Variants in ITGA1 observed in about 807,000 individuals in gnomAD.
ITGA1 encodes integrin alpha-1.
A neutral mutation model predicts 145.9 loss-of-function variants in ITGA1; 85 were observed. That is an observed-to-expected ratio of 0.58 (90% CI 0.49 to 0.70). ITGA1 has a LOEUF of 0.70. Among genes scored for constraint, ITGA1 ranks in the 30% least tolerant of loss-of-function variants. The pLI, the probability that ITGA1 is intolerant of heterozygous loss-of-function variation, is 0.00. For synonymous variants in ITGA1, 520 were observed against 495.3 expected (o/e 1.05, Z -0.66); for missense variants, 1,351 against 1,418.7 (o/e 0.95, Z 0.77).
chr5:52,873,386 C>G (rs1425811656), intron 6 of ITGA1, among the ~76,000 whole-genome samples: 2 of 152,168 alleles, frequency 1.3e-5, no homozygotes, highest in Non-Finnish European at 1.5e-5. Context: ...GAGCCTACGT[C>G]ACTTTCATTG....
At position 52,910,418 on chromosome 5, in the gene ITGA1, A is replaced by C. The variant is rs1489813089; in HGVS notation, c.1856A>C (p.Gln619Pro). The C allele has an allele frequency of 5.6e-6, 9 of 1,609,206 alleles. No individual in the cohort carries two copies. Among genetic ancestry groups the C allele is most frequent in the African/African-American group, 1.3e-5 (1 of 74,784 alleles). ...AAGACTATAAGGAAAGAGTATGCACAAGTAAGAATTGAAACCTACAGATTC... is the reference window on the plus strand; with the variant it reads ...AAGACTATAAGGAAAGAGTATGCACCAGTAAGAATTGAAACCTACAGATTC... ...SGKTIRKEYA[Q>P]RIPSGGDGKT... Residue 619 changes from glutamine to proline, a missense_variant and splice_region_variant, in exon 14 of 29, where the codon CAA becomes CCA. Coordinates refer to ENST00000282588, the MANE Select transcript of ITGA1 (RefSeq NM_181501.2).
chr5:52,885,665 C>T (rs1032904504), intron 7 of ITGA1, among the ~76,000 whole-genome samples: 2 of 152,102 alleles, frequency 1.3e-5, no homozygotes, highest in African/African-American at 4.8e-5. Context: ...ATAAGAAGTT[C>T]GGAAAGATCC....
intron 12 of ITGA1, among the ~76,000 whole-genome samples, chr5:52,908,205 C>T (rs751348304): frequency 7.2e-5 from 11 of 152,104 alleles, no homozygotes; most frequent in Non-Finnish European, 1.3e-4. Flanking sequence ...GAAGCCAGTA[C>T]AGGGAGATGT....
chr5:52,871,730 A>T (rs973040707), intron 6 of ITGA1, among the ~76,000 whole-genome samples: 1 of 62,696 alleles, frequency 1.6e-5, no homozygotes, highest in African/African-American at 8.7e-5. Context: ...CATTCACTCT[A>T]AAGAGTTACT....
At chr5:52,948,533 C>T (rs1019163586) in intron 28 of ITGA1, among the ~76,000 whole-genome samples, 2 of 152,168 alleles carry the variant, frequency 1.3e-5, no homozygotes, top group African/African-American at 4.8e-5. Context: ...AGATGTAGGT[C>T]AGTGGCATTT....
intron 1 of ITGA1, among the ~76,000 whole-genome samples, chr5:52,832,765 C>CTGTGTGTGTGTGTGTGTGTGTCTG (rs1749091143): frequency 2.3e-5 from 2 of 86,752 alleles, no homozygotes; most frequent in Admixed American, 1.2e-4. Context: ...ATATATAAAT[C>CTGTGTGTGTGTGTGTGTGTGTCTG]TGTGTGTGTG....
At chr5:52,819,846 G>A (rs36127799) in intron 1 of ITGA1, among the ~76,000 whole-genome samples, 38,987 of 151,818 alleles carry the variant, frequency 0.26, 5,355 homozygotes, top group Non-Finnish European at 0.3. Context: ...GAAGGGATCC[G>A]GTTTCAGCTT....
At chr5:52,823,659 GT>G (rs1044549252) in intron 1 of ITGA1, among the ~76,000 whole-genome samples, 1 of 152,166 alleles carries the variant, frequency 6.6e-6, no homozygotes, top group African/African-American at 2.4e-5. Context: ...CCAGTTAAAT[GT>G]TTATTTACTT....
At chr5:52,835,204 C>G (rs1236106476) in intron 1 of ITGA1, among the ~76,000 whole-genome samples, 1 of 152,066 alleles carries the variant, frequency 6.6e-6, no homozygotes, top group Non-Finnish European at 1.5e-5. Flanking sequence ...GCTAATAAGC[C>G]TTCTTAATCA....
chr5:52,842,037 T>C (rs1347375054), intron 1 of ITGA1, among the ~76,000 whole-genome samples: 2 of 152,134 alleles, frequency 1.3e-5, no homozygotes, highest in Admixed American at 6.5e-5. Context: ...AATTCCTTAG[T>C]AGAATATTAA....
intron 1 of ITGA1, among the ~76,000 whole-genome samples, chr5:52,817,121 C>A (rs1459852636): frequency 2.0e-5 from 3 of 152,162 alleles, no homozygotes; most frequent in Non-Finnish European, 4.4e-5. Context: ...GAATTTTTTT[C>A]CATTAAACAT....
At position 52,849,256 on chromosome 5, in the gene ITGA1, T is replaced by C. The variant is rs547998897; in HGVS notation, c.62-109T>C. On this transcript the variant is annotated intron_variant, in intron 1 of 28. Coordinates refer to ENST00000282588, the MANE Select transcript of ITGA1 (RefSeq NM_181501.2). Reference sequence around the variant, plus strand: ...TTTTCATTCTTTGAGCTTCTTTTTTTTTAATAGAAACAGCTTTCGATGGTA... The same window carrying C: ...TTTTCATTCTTTGAGCTTCTTTTTTCTTAATAGAAACAGCTTTCGATGGTA... The C allele has an allele frequency of 3.2e-5, 30 of 932,040 alleles. No homozygotes were observed. In the South Asian group the frequency reaches 7.0e-4, roughly 22 times the overall value. 57.7% of individuals were successfully genotyped at this position (932,040 alleles called of 1,614,324 possible). A position where few individuals can be genotyped will look rare whatever the true frequency, so the allele number is the denominator to read the frequency against.
intron 6 of ITGA1, among the ~76,000 whole-genome samples, chr5:52,879,210 G>A (rs531123082): frequency 1.3e-5 from 2 of 152,136 alleles, no homozygotes; most frequent in African/African-American, 2.4e-5. Flanking sequence ...CAGATTATCA[G>A]TGGATACTAG....
At chr5:52,946,291 C>T (rs1417551618) in intron 27 of ITGA1, among the ~76,000 whole-genome samples, 1 of 152,088 alleles carries the variant, frequency 6.6e-6, no homozygotes, top group Non-Finnish European at 1.5e-5. Flanking sequence ...CCAGCCTACT[C>T]GGGAGACTGA....
At chr5:52,868,034 T>G (rs1048061422) in intron 6 of ITGA1, among the ~76,000 whole-genome samples, 2 of 152,204 alleles carry the variant, frequency 1.3e-5, no homozygotes, top group Admixed American at 6.5e-5. Flanking sequence ...GACTAATACC[T>G]TAAATGAAAT....
intron 6 of ITGA1, among the ~76,000 whole-genome samples, chr5:52,875,651 C>T (rs1749855243): frequency 6.6e-6 from 1 of 152,188 alleles, no homozygotes; most frequent in African/African-American, 2.4e-5. Flanking sequence ...TTCATCTACT[C>T]TTTTACTGAT....
At chr5:52,908,217 C>T (rs1300424187) in intron 12 of ITGA1, among the ~76,000 whole-genome samples, 1 of 151,964 alleles carries the variant, frequency 6.6e-6, no homozygotes, top group Non-Finnish European at 1.5e-5. Flanking sequence ...GGGAGATGTA[C>T]CATAAGATAA....
intron 23 of ITGA1, among the ~76,000 whole-genome samples, chr5:52,935,226 T>G (rs1437115271): frequency 6.6e-6 from 1 of 151,678 alleles, no homozygotes; most frequent in Non-Finnish European, 1.5e-5. Context: ...AATAAAGGAG[T>G]TTTTTAAAAG....
At chr5:52,865,931 A>G in intron 6 of ITGA1, 114 bp downstream of exon 6, 1 of 751,086 alleles carries the variant, frequency 1.3e-6, no homozygotes, top group Non-Finnish European at 2.0e-6. Flanking sequence ...GTTGAGAATG[A>G]ATTTTATATC....
Sources: gnomAD v4.1 joint callset for allele counts (sites outside exome capture counted in the v4.1 genomes callset) on GRCh38, gnomAD v4.1.1 for gene constraint, MANE v1.5 for transcripts, NCBI Gene and HGNC (gene_info 2026-07-23, HGNC 2026-07-21) for gene names.